The following STPG2 variants were observed in gnomAD, a reference collection of about 807,000 sequenced individuals.
STPG2 encodes the protein sperm-tail PG-rich repeat-containing protein 2.
A neutral mutation model predicts 54.2 loss-of-function variants in STPG2; 56 were observed. The ratio of observed to expected loss-of-function variants is 1.03; its 90% CI spans 0.83 to 1.29. STPG2 has a LOEUF of 1.29. Among genes scored for constraint, STPG2 ranks in the 50% most tolerant of loss-of-function variants. The pLI, the probability that STPG2 is intolerant of heterozygous loss-of-function variation, is 0.00. For missense variants in STPG2, 596 were observed against 544.9 expected (o/e 1.09, Z -0.93); for synonymous variants, 200 against 181.8 (o/e 1.10, Z -0.81).
chr4:97,475,119 T>C (rs1209936030), intron 4 of STPG2, among the ~76,000 whole-genome samples: 14 of 151,976 alleles, frequency 9.2e-5, no homozygotes, highest in Admixed American at 9.2e-4. Flanking sequence ...TCTTTGAAAA[T>C]AGAGCCTCAT....
At chr4:97,730,138 A>T (rs1177560425) in intron 9 of STPG2, among the ~76,000 whole-genome samples, 1 of 152,082 alleles carries the variant, frequency 6.6e-6, no homozygotes, top group East Asian at 1.9e-4. Context: ...CAGTTTTTTT[A>T]ACTCTTGCCT....
At chr4:97,933,446 T>G (rs1464895177) in intron 8 of STPG2, among the ~76,000 whole-genome samples, 1 of 152,240 alleles carries the variant, frequency 6.6e-6, no homozygotes, top group Non-Finnish European at 1.5e-5. Flanking sequence ...CCCAAGCCTA[T>G]GTCCAGAATG....
At chr4:98,038,119 C>T (rs568073878) in intron 5 of STPG2, among the ~76,000 whole-genome samples, 1 of 127,430 alleles carries the variant, frequency 7.8e-6, no homozygotes, top group Admixed American at 7.4e-5. Context: ...AAGCTATCTT[C>T]CCACCTCAGC....
At chr4:97,591,039 G>T (rs1375215258) in intron 10 of STPG2, among the ~76,000 whole-genome samples, 2 of 152,034 alleles carry the variant, frequency 1.3e-5, no homozygotes, top group Non-Finnish European at 2.9e-5. Flanking sequence ...TATTTTAGTT[G>T]CATACTTCAA....
At chr4:97,538,652 G>A (rs182573663) in intron 4 of STPG2, among the ~76,000 whole-genome samples, 1 of 152,270 alleles carries the variant, frequency 6.6e-6, no homozygotes, top group Admixed American at 6.5e-5. Context: ...CCCCAACCTA[G>A]CAAGGCAGGC....
At chr4:97,878,604 G>A (rs1730262408) in intron 8 of STPG2, among the ~76,000 whole-genome samples, 1 of 152,148 alleles carries the variant, frequency 6.6e-6, no homozygotes, top group African/African-American at 2.4e-5. Context: ...TGGGACACAG[G>A]GCACCAAGTC....
chr4:97,538,045 C>T (rs922184108), intron 4 of STPG2, among the ~76,000 whole-genome samples: 5 of 152,078 alleles, frequency 3.3e-5, no homozygotes, highest in South Asian at 2.1e-4. Context: ...CCCATCTGTA[C>T]GTCACCATCA....
In STPG2 at chr4:97,558,890, T is replaced by C. The variant is rs1042814210; in HGVS notation, c.*168A>G. The C allele has an allele frequency of 1.7e-5, 10 of 575,034 alleles. No individual in the cohort carries two copies. Among genetic ancestry groups the C allele is most frequent in the Non-Finnish European group, 2.8e-5 (9 of 324,642 alleles). The allele number at this position is 575,034 out of a possible 1,614,324, so 35.6% of individuals were successfully genotyped here. On this transcript the variant is annotated 3_prime_UTR_variant, in exon 11 of 11. Coordinates refer to ENST00000295268, the MANE Select transcript of STPG2 (RefSeq NM_174952.3). Reference sequence around the variant, plus strand: ...TAAAGAATTTTGTCTTAACAAGGTTTATTTCTCCGTGGTTGTGTCATATAG... The same window carrying C: ...TAAAGAATTTTGTCTTAACAAGGTTCATTTCTCCGTGGTTGTGTCATATAG...
chr4:97,451,723 T>G (rs182988209), intron 4 of STPG2, among the ~76,000 whole-genome samples: 1 of 152,280 alleles, frequency 6.6e-6, no homozygotes, highest in East Asian at 1.9e-4. Context: ...CAGATGTATA[T>G]AAATTATGAA....
intron 9 of STPG2, among the ~76,000 whole-genome samples, chr4:97,778,563 C>G (rs944801784): frequency 6.6e-6 from 1 of 152,184 alleles, no homozygotes. Context: ...CTGTCCCTGT[C>G]TGACAGCTTT....
At chr4:97,984,316 T>C (rs1387527417) in intron 5 of STPG2, among the ~76,000 whole-genome samples, 1 of 152,204 alleles carries the variant, frequency 6.6e-6, no homozygotes, top group Non-Finnish European at 1.5e-5. Context: ...AGCTAATCTT[T>C]GTATTTTTAG....
rs144276308 is a variant in STPG2 at position 98,033,690 on chromosome 4, C to T, written c.613-52372G>A. On this transcript the variant is annotated intron_variant, in intron 5 of 10. Transcript: ENST00000295268. ...CCAATATCCCTGATGAACATCGATG[C>T]GAAAATCCTCAATAAAATACTGGCA... Among the ~76,000 whole-genome samples, 322 of 152,162 alleles carry T rather than the reference C, an allele frequency of 2.1e-3. 1 individual carries two copies. Among genetic ancestry groups the T allele is most frequent in the African/African-American group, 7.3e-3 (302 of 41,508 alleles).
chr4:97,590,928 T>C (rs920428004), intron 10 of STPG2, among the ~76,000 whole-genome samples: 1 of 152,002 alleles, frequency 6.6e-6, no homozygotes, highest in Admixed American at 6.6e-5. Context: ...ATCAGGAAAA[T>C]AGGCCATTGC....
intron 4 of STPG2, among the ~76,000 whole-genome samples, chr4:97,459,439 T>C (rs780587877): frequency 6.4e-4 from 91 of 141,924 alleles, no homozygotes; most frequent in Non-Finnish European, 1.1e-3. Context: ...TGTTTTTTTT[T>C]GTTTTTTTTT....
intron 10 of STPG2, among the ~76,000 whole-genome samples, chr4:97,616,036 C>CAA (rs58107338): frequency 0.049 from 3,401 of 69,368 alleles, 385 homozygotes; most frequent in African/African-American, 0.18. Context: ...GACTCTGTCT[C>CAA]AAAAAAAAAA....
chr4:97,911,641 G>A (rs1054991914), intron 8 of STPG2, among the ~76,000 whole-genome samples: 1 of 152,174 alleles, frequency 6.6e-6, no homozygotes, highest in Non-Finnish European at 1.5e-5. Flanking sequence ...CTTCCTGGAG[G>A]AATTTCAGCA....
intron 10 of STPG2, among the ~76,000 whole-genome samples, chr4:97,651,119 TAAA>T (rs1722054337): frequency 6.6e-6 from 1 of 152,072 alleles, no homozygotes; most frequent in African/African-American, 2.4e-5. Context: ...CACTTTTTCC[TAAA>T]AATGTAGAGA....
Position 97,558,920 on chromosome 4 carries a change from T to G in STPG2, c.*138A>C. The G allele has an allele frequency of 1.4e-6, 1 of 713,866 alleles. No individual in the cohort carries two copies. The highest frequency in any genetic ancestry group is 1.7e-5 in the South Asian group (1 of 57,440). The allele number at this position is 713,866 out of a possible 1,614,324, so 44.2% of individuals were successfully genotyped here. On this transcript the variant is annotated 3_prime_UTR_variant, in exon 11 of 11. Coordinates refer to ENST00000295268, the MANE Select transcript of STPG2 (RefSeq NM_174952.3). ...CTCCGTGGTTGTGTCATATAGTCAC[T>G]AAAGCCTGAGCGAATGCCTGAACAA...
At chr4:97,721,839 CAG>C (rs1440741802) in intron 9 of STPG2, among the ~76,000 whole-genome samples, 2 of 152,004 alleles carry the variant, frequency 1.3e-5, no homozygotes, top group Non-Finnish European at 2.9e-5. Flanking sequence ...TCCAGAGACT[CAG>C]AGTAAACATT....
Sources: gnomAD v4.1 joint callset for allele counts (sites outside exome capture counted in the v4.1 genomes callset) on GRCh38, gnomAD v4.1.1 for gene constraint, MANE v1.5 for transcripts, NCBI Gene and HGNC (gene_info 2026-07-23, HGNC 2026-07-21) for gene names.